Variants in CDH13 observed in about 807,000 individuals in gnomAD.
CDH13 encodes cadherin-13.
Under a neutral mutation model 63.8 loss-of-function variants are expected in CDH13, and 24 were observed. That is an observed-to-expected ratio of 0.38 (90% confidence interval 0.27 to 0.53). CDH13 has a LOEUF of 0.53. CDH13 is among the 20% of genes least tolerant of loss of function. The pLI is 0.85. For synonymous variants in CDH13, 503 were observed against 355.3 expected, an observed-to-expected ratio of 1.42 and a Z score of -4.67; for missense variants, 1,049 against 903.1, an observed-to-expected ratio of 1.16 and a Z score of -2.07.
intron 4 of CDH13, among the ~76,000 whole-genome samples, chr16:83,141,617 G>C (rs549986097): frequency 1.3e-5 from 2 of 152,002 alleles, no homozygotes; most frequent in African/African-American, 2.4e-5. Flanking sequence ...CATCATCTAC[G>C]TTTTAAGCCC....
chr16:82,743,601 A>G (rs2034031689), intron 1 of CDH13, among the ~76,000 whole-genome samples: 1 of 152,210 alleles, frequency 6.6e-6, no homozygotes, highest in Non-Finnish European at 1.5e-5. Flanking sequence ...TTTTTCACCT[A>G]GACAGAGAAT....
intron 6 of CDH13, among the ~76,000 whole-genome samples, chr16:83,435,838 A>T (rs2072281891): frequency 6.6e-6 from 1 of 152,006 alleles, no homozygotes; most frequent in African/African-American, 2.4e-5. Flanking sequence ...TGTCTCCCTC[A>T]TTGTATTGCA....
rs1245259889 is a variant in CDH13 at position 83,781,156 on chromosome 16, T to A, written c.1915+955T>A. Among the ~76,000 whole-genome samples, 3 of 152,186 alleles carry A rather than the reference T, an allele frequency of 2.0e-5. No homozygotes were observed. In the South Asian group the frequency reaches 6.2e-4, roughly 31 times the overall value. On this transcript the variant is annotated intron_variant, in intron 12 of 13. Coordinates refer to ENST00000567109, the MANE Select transcript of CDH13 (RefSeq NM_001257.5). Reference sequence around the variant, plus strand: ...GTCTCCTCCCACAAGTCCTTCCACATAGGCAGGTGGAATTCAAAACTTAAC... The same window carrying A: ...GTCTCCTCCCACAAGTCCTTCCACAAAGGCAGGTGGAATTCAAAACTTAAC...
intron 6 of CDH13, among the ~76,000 whole-genome samples, chr16:83,441,934 G>A (rs553881115): frequency 1.3e-5 from 2 of 152,266 alleles, no homozygotes; most frequent in East Asian, 1.9e-4. Flanking sequence ...ATGAGGTAGG[G>A]ATTATTAAGA....
intron 2 of CDH13, among the ~76,000 whole-genome samples, chr16:82,871,851 A>G (rs896577759): frequency 2.6e-5 from 4 of 152,170 alleles, no homozygotes; most frequent in Non-Finnish European, 5.9e-5. Flanking sequence ...TCCCTCCAAG[A>G]TGGCCACCAG....
At chr16:83,330,044 A>G (rs2090448369) in intron 5 of CDH13, among the ~76,000 whole-genome samples, 1 of 152,234 alleles carries the variant, frequency 6.6e-6, no homozygotes, top group Non-Finnish European at 1.5e-5. Context: ...ATGTATATCC[A>G]GAAATGGGAT....
At chr16:82,942,162 C>T (rs906369272) in intron 2 of CDH13, among the ~76,000 whole-genome samples, 1 of 152,130 alleles carries the variant, frequency 6.6e-6, no homozygotes, top group Non-Finnish European at 1.5e-5. Context: ...TAAAAGCTTG[C>T]TTTTCGTAGG....
chr16:83,204,230 T>C (rs922216067), intron 4 of CDH13, among the ~76,000 whole-genome samples: 1 of 152,214 alleles, frequency 6.6e-6, no homozygotes, highest in Non-Finnish European at 1.5e-5. Flanking sequence ...CTATGAAGTA[T>C]GGGTCAAGAC....
chr16:82,748,162 G>C (rs1034992215), intron 1 of CDH13, among the ~76,000 whole-genome samples: 2 of 152,088 alleles, frequency 1.3e-5, no homozygotes, highest in Non-Finnish European at 2.9e-5. Flanking sequence ...ATCATAGCTG[G>C]GGACTCTGCC....
At chr16:82,861,118 G>A (rs1054065779) in intron 2 of CDH13, among the ~76,000 whole-genome samples, 1 of 152,148 alleles carries the variant, frequency 6.6e-6, no homozygotes. Flanking sequence ...TAAATGCATA[G>A]ATTCCATTTC....
At chr16:82,753,880 G>A (rs2081854993) in intron 1 of CDH13, among the ~76,000 whole-genome samples, 1 of 152,148 alleles carries the variant, frequency 6.6e-6, no homozygotes, top group Non-Finnish European at 1.5e-5. Context: ...AGGGCCATCT[G>A]TCTTTCATCT....
At chr16:83,646,189 T>G (rs1342895684) in intron 8 of CDH13, among the ~76,000 whole-genome samples, 1 of 152,070 alleles carries the variant, frequency 6.6e-6, no homozygotes, top group Non-Finnish European at 1.5e-5. Context: ...ATCTCTCCAC[T>G]CCCTAACTCT....
intron 2 of CDH13, among the ~76,000 whole-genome samples, chr16:82,959,454 G>A (rs1470910828): frequency 6.6e-6 from 1 of 152,134 alleles, no homozygotes; most frequent in Non-Finnish European, 1.5e-5. Flanking sequence ...GTTCCTTTCT[G>A]GAGGCCCAAG....
chr16:83,699,816 G>A (rs974365041), intron 10 of CDH13, among the ~76,000 whole-genome samples: 5 of 152,200 alleles, frequency 3.3e-5, no homozygotes, highest in South Asian at 2.1e-4. Context: ...CATCCCATCC[G>A]TCTGTATTTC....
intron 1 of CDH13, among the ~76,000 whole-genome samples, chr16:82,780,574 C>T (rs1207982628): frequency 6.6e-6 from 1 of 152,122 alleles, no homozygotes; most frequent in African/African-American, 2.4e-5. Flanking sequence ...TCATCTTATC[C>T]CATTTAATAT....
chr16:83,784,199 G>C (rs578035284), intron 13 of CDH13, among the ~76,000 whole-genome samples: 102 of 152,320 alleles, frequency 6.7e-4, no homozygotes, highest in Admixed American at 2.9e-3. Context: ...GAATTAGGAA[G>C]TTGGGAAATT....
chr16:83,114,062 C>T (rs1567842662), intron 3 of CDH13, among the ~76,000 whole-genome samples: 2 of 152,180 alleles, frequency 1.3e-5, no homozygotes, highest in Non-Finnish European at 2.9e-5. Context: ...ACTGTTACTT[C>T]TGTTCTCCAC....
At position 83,089,935 on chromosome 16, in the gene CDH13, G is replaced by C. The variant is rs755536806; in HGVS notation, c.367-35450G>C. Among the ~76,000 whole-genome samples, 28 of 152,140 alleles carry C rather than the reference G, an allele frequency of 1.8e-4. 1 individual carries two copies. The highest frequency in any genetic ancestry group is 3.3e-4 in the Admixed American group (5 of 15,274). The stretch of plus-strand genomic sequence containing the variant: ...ACGACATCCTAAGAGATGCTCTGAG[G>C]ACCATACTTTGCATAGCAAGAAATG... On this transcript the variant is annotated intron_variant, in intron 3 of 13. Coordinates refer to ENST00000567109, the MANE Select transcript of CDH13 (RefSeq NM_001257.5).
At chr16:82,716,263 C>T (rs1251085599) in intron 1 of CDH13, among the ~76,000 whole-genome samples, 2 of 152,010 alleles carry the variant, frequency 1.3e-5, no homozygotes, top group Non-Finnish European at 2.9e-5. Context: ...GGAGGACCTC[C>T]TATGGGGAAT....
Sources: allele counts gnomAD v4.1 joint callset (sites outside exome capture counted in the v4.1 genomes callset), GRCh38; gene constraint gnomAD v4.1.1; transcripts MANE v1.5; gene names NCBI Gene and HGNC (gene_info 2026-07-23, HGNC 2026-07-21).